The following UBE2F variants were observed in gnomAD, a reference collection of about 807,000 sequenced individuals.
The protein encoded by UBE2F is NEDD8-conjugating enzyme UBE2F.
Under a neutral mutation model 29.6 loss-of-function variants are expected in UBE2F, and 5 were observed. That is an observed-to-expected ratio of 0.17 (90% CI 0.09 to 0.36). UBE2F has a LOEUF of 0.36. Ranked by LOEUF, UBE2F falls within the 10% of genes least tolerant of loss-of-function variation. UBE2F has a pLI of 1.00. For missense variants in UBE2F, 141 were observed against 228.5 expected (o/e 0.62, Z 2.47); for synonymous variants, 66 against 81.8 (o/e 0.81, Z 1.04).
intron 4 of UBE2F, among the ~76,000 whole-genome samples, chr2:238,007,851 T>C (rs2063939771): frequency 6.6e-6 from 1 of 152,222 alleles, no homozygotes; most frequent in African/African-American, 2.4e-5. Context: ...TTTTTTGTAA[T>C]GAGTTGCCTA....
rs2063515223 is a variant in UBE2F, at chr2:237,987,967, T to G, written c.123T>G (p.Val41=). The stretch of plus-strand genomic sequence containing the variant: ...ATAATTTCTTTGTTTCTACAGAGGT[T>G]GCAGAACTTGAAGCTAATTTACCTT... ...SVRDKLLVKE[V]AELEANLPCT... Residue 41 remains valine (V), a synonymous_variant, in exon 3 of 10, where the codon GTT becomes GTG. Coordinates refer to ENST00000272930, the MANE Select transcript of UBE2F (RefSeq NM_080678.3). 1 of 1,499,900 alleles carries G rather than the reference T, an allele frequency of 6.7e-7. No homozygotes were observed. Among genetic ancestry groups the G allele is most frequent in the Non-Finnish European group, 9.0e-7 (1 of 1,115,906 alleles). The allele number at this position is 1,499,900 out of a possible 1,614,324, so 92.9% of individuals were successfully genotyped here.
At chr2:238,003,003 G>A (rs2063828140) in intron 4 of UBE2F, among the ~76,000 whole-genome samples, 1 of 152,128 alleles carries the variant, frequency 6.6e-6, no homozygotes, top group African/African-American at 2.4e-5. Flanking sequence ...ATGGAGCAGA[G>A]CACCAGAGTA....
At chr2:237,996,086 A>C (rs561503484) in intron 4 of UBE2F, among the ~76,000 whole-genome samples, 3 of 152,190 alleles carry the variant, frequency 2.0e-5, no homozygotes, top group Non-Finnish European at 4.4e-5. Flanking sequence ...CTGCCTTCCT[A>C]AAACACATTG....
chr2:237,969,581 C>A (rs746137252), intron 1 of UBE2F, among the ~76,000 whole-genome samples: 5 of 152,116 alleles, frequency 3.3e-5, no homozygotes, highest in Non-Finnish European at 5.9e-5. Context: ...AGCTGACCCC[C>A]AGGTGATGGA....
At chr2:237,977,511 G>C (rs2063305652) in intron 2 of UBE2F, among the ~76,000 whole-genome samples, 1 of 152,214 alleles carries the variant, frequency 6.6e-6, no homozygotes, top group Non-Finnish European at 1.5e-5. Flanking sequence ...TACACACAAA[G>C]TGCAACAAGA....
At chr2:237,972,003 A>G (rs2063185623) in intron 1 of UBE2F, among the ~76,000 whole-genome samples, 3 of 152,244 alleles carry the variant, frequency 2.0e-5, no homozygotes, top group Non-Finnish European at 4.4e-5. Context: ...CCAGATAGCA[A>G]GGGGCATCAC....
At chr2:237,981,173 G>A (rs186233102) in intron 2 of UBE2F, among the ~76,000 whole-genome samples, 8 of 152,248 alleles carry the variant, frequency 5.3e-5, no homozygotes, top group East Asian at 1.9e-4. Flanking sequence ...GGTGGGTGGC[G>A]TTCTTCAGGT....
intron 4 of UBE2F, among the ~76,000 whole-genome samples, chr2:238,012,324 T>G (rs2064053635): frequency 6.6e-6 from 1 of 152,198 alleles, no homozygotes; most frequent in African/African-American, 2.4e-5. Context: ...TGCTTCAGTT[T>G]CTGAAGTGTC....
Position 238,041,800 on chromosome 2 carries a change from T to C in UBE2F, c.*462T>C, listed in dbSNP as rs2064841039. 2 of 155,516 alleles carry C rather than the reference T, an allele frequency of 1.3e-5. No individual in the cohort carries two copies. Among genetic ancestry groups the C allele is most frequent in the Non-Finnish European group, 2.9e-5 (2 of 69,970 alleles). The allele number at this position is 155,516 out of a possible 1,614,324, so 9.6% of individuals were successfully genotyped here. A position where few individuals can be genotyped will look rare whatever the true frequency, so the allele number is the denominator to read the frequency against. ...TGGATGCAAAATCTCTTAGCTTCTT[T>C]CACGAATGTTGGCCCTGCCTAGATG... On this transcript the variant is annotated 3_prime_UTR_variant, in exon 10 of 10. Coordinates refer to ENST00000272930, the MANE Select transcript of UBE2F (RefSeq NM_080678.3).
chr2:238,016,488 TA>T (rs776599218), intron 4 of UBE2F, 77 bp from the exon 5 acceptor site: 1 of 1,286,680 alleles, frequency 7.8e-7, no homozygotes. Context: ...TGCCATATCC[TA>T]ACAGAGTGTT....
intron 2 of UBE2F, chr2:237,973,510 A>G (rs770440297): frequency 4.0e-6 from 2 of 502,524 alleles, no homozygotes; most frequent in Non-Finnish European, 6.8e-6. Flanking sequence ...AGGTGCTGAG[A>G]GTCAGCAAAG....
intron 2 of UBE2F, among the ~76,000 whole-genome samples, chr2:237,975,065 C>A (rs561146389): frequency 1.7e-4 from 26 of 152,178 alleles, no homozygotes; most frequent in African/African-American, 6.0e-4. Context: ...AGCCACTGTG[C>A]CTGGCCTTAC....
At position 237,991,524 on chromosome 2, in the gene UBE2F, A is replaced by G. The variant is rs985001833; in HGVS notation, c.149-3220A>G. On this transcript the variant is annotated intron_variant, in intron 3 of 9. Coordinates refer to ENST00000272930, the MANE Select transcript of UBE2F (RefSeq NM_080678.3). ...ATGCCTACATGTAGATAAAAAGCTT[A>G]ATTCTGGTGCATTGAACTGGAACAA... Among the ~76,000 whole-genome samples the G allele has an allele frequency of 2.6e-5, 4 of 151,054 alleles. No individual in the cohort carries two copies. In the East Asian group the frequency reaches 7.8e-4, roughly 29 times the overall value.
chr2:238,007,132 GT>G (rs577625722), intron 4 of UBE2F, among the ~76,000 whole-genome samples: 2 of 151,820 alleles, frequency 1.3e-5, no homozygotes, highest in African/African-American at 4.8e-5. Context: ...GTTTTTGTCT[GT>G]TTTTTCGAGA....
intron 6 of UBE2F, among the ~76,000 whole-genome samples, chr2:238,027,975 G>T (rs923035924): frequency 1.3e-5 from 2 of 152,232 alleles, no homozygotes; most frequent in African/African-American, 4.8e-5. Flanking sequence ...GGATTGGAGG[G>T]CCTAGGTCAA....
intron 9 of UBE2F, among the ~76,000 whole-genome samples, chr2:238,038,251 G>A (rs1237351045): frequency 1.3e-5 from 2 of 152,240 alleles, no homozygotes; most frequent in African/African-American, 4.8e-5. Context: ...GTGCTGCCAA[G>A]GAGGCAAGCT....
chr2:238,017,841 C>T (rs2064196035), intron 5 of UBE2F, among the ~76,000 whole-genome samples: 1 of 152,188 alleles, frequency 6.6e-6, no homozygotes, highest in South Asian at 2.1e-4. Context: ...CCTGTGACTT[C>T]GCTTGTGGGA....
chr2:237,971,226 A>G (rs955650015), intron 1 of UBE2F, among the ~76,000 whole-genome samples: 1 of 152,274 alleles, frequency 6.6e-6, no homozygotes, highest in African/African-American at 2.4e-5. Context: ...GAATTTTTAG[A>G]TCATTTTCTG....
chr2:237,993,634 G>C (rs1248219432), intron 3 of UBE2F, among the ~76,000 whole-genome samples: 3 of 152,168 alleles, frequency 2.0e-5, no homozygotes, highest in African/African-American at 7.2e-5. Flanking sequence ...GATCACCTGA[G>C]CCTTGGAGGC....
Sources: allele counts gnomAD v4.1 joint callset (sites outside exome capture counted in the v4.1 genomes callset), GRCh38; gene constraint gnomAD v4.1.1; transcripts MANE v1.5; gene names NCBI Gene and HGNC (gene_info 2026-07-23, HGNC 2026-07-21).